NKAIN2: variants seen among roughly 807,000 people sequenced by gnomAD.
The protein encoded by NKAIN2 is sodium/potassium transporting ATPase interacting 2.
Under a neutral mutation model 32.6 loss-of-function variants are expected in NKAIN2, and 14 were observed. The ratio of observed to expected loss-of-function variants is 0.43; its 90% confidence interval spans 0.28 to 0.67. The LOEUF is 0.67. Among genes scored for constraint, NKAIN2 ranks in the 30% least tolerant of loss-of-function variants. The pLI, the probability that NKAIN2 is intolerant of heterozygous loss-of-function variation, is 0.17. For missense variants in NKAIN2, 198 were observed against 258.3 expected, an observed-to-expected ratio of 0.77 and a Z score of 1.60; for synonymous variants, 80 against 87.2, an observed-to-expected ratio of 0.92 and a Z score of 0.46.
At chr6:123,954,231 G>C (rs1229203913) in intron 1 of NKAIN2, among the ~76,000 whole-genome samples, 1 of 152,212 alleles carries the variant, frequency 6.6e-6, no homozygotes, top group African/African-American at 2.4e-5. Flanking sequence ...GTGCCTTGCT[G>C]TAGCTATTTA....
chr6:124,336,215 A>G (rs946965362), intron 2 of NKAIN2, among the ~76,000 whole-genome samples: 3 of 152,344 alleles, frequency 2.0e-5, no homozygotes, highest in South Asian at 2.1e-4. Flanking sequence ...GTTTAGAGGA[A>G]CAGCAAAGCT....
At chr6:124,147,280 G>A (rs182354802) in intron 1 of NKAIN2, among the ~76,000 whole-genome samples, 16 of 152,256 alleles carry the variant, frequency 1.1e-4, no homozygotes, top group Admixed American at 2.6e-4. Flanking sequence ...GAGTGTTCAG[G>A]TCATCCCTCA....
At chr6:124,776,710 C>T (rs1443902274) in intron 4 of NKAIN2, among the ~76,000 whole-genome samples, 4 of 152,142 alleles carry the variant, frequency 2.6e-5, no homozygotes, top group South Asian at 4.1e-4. Context: ...TTTATCACAT[C>T]TTTCTATTAT....
At chr6:124,145,856 T>C (rs1363767125) in intron 1 of NKAIN2, among the ~76,000 whole-genome samples, 1 of 151,936 alleles carries the variant, frequency 6.6e-6, no homozygotes, top group African/African-American at 2.4e-5. Flanking sequence ...TAGTTAAGAA[T>C]ATGGTGGGAG....
chr6:123,961,255 AAAT>A (rs1202116987), intron 1 of NKAIN2, among the ~76,000 whole-genome samples: 1 of 152,140 alleles, frequency 6.6e-6, no homozygotes, highest in African/African-American at 2.4e-5. Context: ...CAACAACAAA[AAAT>A]AAGCCCTAAA....
intron 1 of NKAIN2, among the ~76,000 whole-genome samples, chr6:123,975,673 T>C (rs1249238125): frequency 6.6e-6 from 1 of 152,252 alleles, no homozygotes; most frequent in Non-Finnish European, 1.5e-5. Context: ...TCCTCATAAG[T>C]GGCACCTTCT....
intron 1 of NKAIN2, among the ~76,000 whole-genome samples, chr6:124,200,258 A>T (rs552754044): frequency 3.3e-5 from 5 of 152,262 alleles, no homozygotes; most frequent in African/African-American, 9.6e-5. Flanking sequence ...CCATATGTAT[A>T]GTCTTTCCTT....
chr6:124,529,410 G>A (rs191184602), intron 3 of NKAIN2, among the ~76,000 whole-genome samples: 4 of 152,194 alleles, frequency 2.6e-5, no homozygotes, highest in African/African-American at 7.2e-5. Context: ...ATAACCCAGC[G>A]AACAAAAACC....
chr6:124,231,795 G>T (rs1792475662), intron 1 of NKAIN2, among the ~76,000 whole-genome samples: 1 of 151,856 alleles, frequency 6.6e-6, no homozygotes, highest in African/African-American at 2.4e-5. Context: ...GTCTTTTTCA[G>T]CAGTGTGAAA....
chr6:124,161,712 A>G (rs528339297), intron 1 of NKAIN2, among the ~76,000 whole-genome samples: 7 of 152,092 alleles, frequency 4.6e-5, no homozygotes, highest in South Asian at 2.1e-4. Flanking sequence ...TTGATACCAC[A>G]TGTTCTCACT....
At chr6:124,570,842 G>T (rs753887025) in intron 3 of NKAIN2, among the ~76,000 whole-genome samples, 4 of 152,146 alleles carry the variant, frequency 2.6e-5, no homozygotes, top group Admixed American at 2.6e-4. Context: ...CCCCATAATG[G>T]TAGCTCCACT....
intron 1 of NKAIN2, among the ~76,000 whole-genome samples, chr6:124,206,131 C>G (rs1372267601): frequency 1.3e-5 from 2 of 151,902 alleles, no homozygotes; most frequent in Non-Finnish European, 2.9e-5. Context: ...TCTTCCAGAG[C>G]TCCTACTTGT....
At chr6:124,340,039 A>G (rs893208773) in intron 2 of NKAIN2, among the ~76,000 whole-genome samples, 3 of 152,164 alleles carry the variant, frequency 2.0e-5, no homozygotes, top group Non-Finnish European at 4.4e-5. Context: ...AATCCAAGAA[A>G]CTTCAACATA....
At chr6:124,456,599 C>G (rs1001704865) in intron 3 of NKAIN2, among the ~76,000 whole-genome samples, 5 of 151,772 alleles carry the variant, frequency 3.3e-5, no homozygotes, top group Admixed American at 2.6e-4. Flanking sequence ...TGGTTACTGG[C>G]CATTTCTCTC....
intron 1 of NKAIN2, among the ~76,000 whole-genome samples, chr6:124,110,030 A>T (rs1156435342): frequency 1.3e-5 from 2 of 151,622 alleles, no homozygotes; most frequent in Non-Finnish European, 2.9e-5. Flanking sequence ...TTGCATCTAT[A>T]TCCATCATAG....
chr6:124,347,267 A>G (rs1178091760), intron 2 of NKAIN2, among the ~76,000 whole-genome samples: 2 of 151,784 alleles, frequency 1.3e-5, no homozygotes, highest in Non-Finnish European at 2.9e-5. Context: ...TGCCTTTAAC[A>G]TTTTTTCCTT....
At chr6:124,246,258 CAT>C (rs1233555311) in intron 1 of NKAIN2, among the ~76,000 whole-genome samples, 1 of 152,050 alleles carries the variant, frequency 6.6e-6, no homozygotes, top group East Asian at 1.9e-4. Flanking sequence ...TTTAAATGCA[CAT>C]GTCTGATCAA....
Position 123,987,817 on chromosome 6 carries a change from C to T in NKAIN2, c.54+183563C>T, listed in dbSNP as rs78989274. 5.6e-4 allele frequency among the ~76,000 whole-genome samples: 86 copies of T among 152,256 alleles called. No homozygotes were observed. In the East Asian group the frequency reaches 0.014, roughly 24 times the overall value. On this transcript the variant is annotated intron_variant, in intron 1 of 6. Coordinates refer to ENST00000368417, the MANE Select transcript of NKAIN2 (RefSeq NM_001040214.3). ...TTCTCTCATATTAGATAAGCACCAC[C>T]GAAGATAATTCTGTTATCTTTTAGA...
intron 4 of NKAIN2, among the ~76,000 whole-genome samples, chr6:124,743,949 AATT>A (rs1262645995): frequency 2.0e-5 from 3 of 151,918 alleles, no homozygotes; most frequent in Non-Finnish European, 4.4e-5. Flanking sequence ...ATAATGACCA[AATT>A]ATTAATTTCT....
Sources: allele counts gnomAD v4.1 joint callset (sites outside exome capture counted in the v4.1 genomes callset), GRCh38; gene constraint gnomAD v4.1.1; transcripts MANE v1.5; gene names NCBI Gene and HGNC (gene_info 2026-07-23, HGNC 2026-07-21).